SP140: variants seen among roughly 807,000 people sequenced by gnomAD.
SP140 encodes the protein SP140 nuclear body protein.
A neutral mutation model predicts 125.0 loss-of-function variants in SP140; 81 were observed. The observed-to-expected ratio is 0.65, with a 90% confidence interval of 0.54 to 0.78. SP140 has a LOEUF of 0.78. SP140 is among the 30% of genes least tolerant of loss of function. The pLI is 0.00. For missense variants in SP140, 858 were observed against 1,037.0 expected, an observed-to-expected ratio of 0.83 and a Z score of 2.37; for synonymous variants, 312 against 354.0, an observed-to-expected ratio of 0.88 and a Z score of 1.33.
At chr2:230,195,079 A>G in the SP140 span, among the ~76,000 whole-genome samples, 3 of 151,610 alleles carry the variant, frequency 2.0e-5, no homozygotes, top group Non-Finnish European at 4.4e-5. Flanking sequence ...TTCTTTTTGA[A>G]CTTGGCCATA....
intron 3 of SP140, among the ~76,000 whole-genome samples, chr2:230,215,409 GA>G (rs2045018016): frequency 6.6e-6 from 1 of 152,204 alleles, no homozygotes; most frequent in African/African-American, 2.4e-5. Flanking sequence ...AGAGAAATTT[GA>G]AGGAAGGAAA....
At chr2:230,220,087 C>G in intron 3 of SP140, 7 of 985,506 alleles carry the variant, frequency 7.1e-6, no homozygotes, top group Non-Finnish European at 7.2e-6. Context: ...TGCCTGCAGC[C>G]TCTCTCCACC....
At chr2:230,295,842 C>A (rs2057657149) in intron 21 of SP140, among the ~76,000 whole-genome samples, 1 of 152,184 alleles carries the variant, frequency 6.6e-6, no homozygotes, top group Non-Finnish European at 1.5e-5. Flanking sequence ...TTAAGAGCCT[C>A]CAGTGATTTC....
chr2:230,247,143 T>C (rs943585461), intron 7 of SP140, among the ~76,000 whole-genome samples: 4 of 152,202 alleles, frequency 2.6e-5, no homozygotes, highest in Admixed American at 2.0e-4. Flanking sequence ...AACTTAATGA[T>C]TTCAAAACAC....
At chr2:230,196,649 G>C in the SP140 span, among the ~76,000 whole-genome samples, 1 of 151,452 alleles carries the variant, frequency 6.6e-6, no homozygotes, top group African/African-American at 2.4e-5. Context: ...CCATTAACTC[G>C]TCATTTAGCA....
At chr2:230,225,696 T>C (rs940476238), upstream of SP140, 3 of 711,186 alleles carry the variant, frequency 4.2e-6, no homozygotes, top group East Asian at 2.7e-5. Flanking sequence ...GACTGTAGAG[T>C]TGGTGCACCC....
At chr2:230,186,386 T>G in the SP140 span, among the ~76,000 whole-genome samples, 8 of 152,208 alleles carry the variant, frequency 5.3e-5, no homozygotes, top group Non-Finnish European at 1.2e-4. Flanking sequence ...GTGTCTGTCT[T>G]GCTCACTGCT....
intron 10 of SP140, among the ~76,000 whole-genome samples, chr2:230,251,901 G>A (rs1456191920): frequency 6.6e-6 from 1 of 152,052 alleles, no homozygotes; most frequent in Non-Finnish European, 1.5e-5. Flanking sequence ...TGTTTGTTAA[G>A]ACCCAAGAAG....
chr2:230,251,096 A>C (rs751469982), intron 10 of SP140, 35 bp downstream of exon 10: 1 of 1,570,946 alleles, frequency 6.4e-7, no homozygotes, highest in Non-Finnish European at 8.8e-7. Context: ...CCTGGGCTGC[A>C]GAGTGTCAGG....
intron 15 of SP140, among the ~76,000 whole-genome samples, chr2:230,280,344 T>A (rs570737332): frequency 9.2e-5 from 14 of 152,322 alleles, no homozygotes; most frequent in East Asian, 1.9e-4. Flanking sequence ...TATGATTTTT[T>A]AAAAATATTT....
Position 230,299,037 on chromosome 2 carries a change from T to C in SP140, c.2058+1575T>C, listed in dbSNP as rs1270931010. 1.3e-5 allele frequency among the ~76,000 whole-genome samples: 2 copies of C among 152,156 alleles called. 1 individual carries two copies. The highest frequency in any genetic ancestry group is 6.3e-3 in the Middle Eastern group (2 of 316). On this transcript the variant is annotated intron_variant, in intron 22 of 26. Transcript: ENST00000392045. ...ACCAAAGAACCAGAGAAATCAAATC[T>C]CTTCTTGAAAAGATGGGTTTGGAGA... is the stretch of plus-strand genomic sequence containing the variant.
chr2:230,290,604 G>A, intron 19 of SP140, 40 bp downstream of exon 19: 2 of 1,477,354 alleles, frequency 1.4e-6, no homozygotes, highest in Non-Finnish European at 9.4e-7. Flanking sequence ...GCTCCTATCT[G>A]AAGGCATCAC....
chr2:230,281,809 G>A (rs1287633560), intron 15 of SP140, among the ~76,000 whole-genome samples: 2 of 152,034 alleles, frequency 1.3e-5, no homozygotes, highest in Non-Finnish European at 2.9e-5. Flanking sequence ...TTCTCCTATT[G>A]ATGGACACCT....
chr2:230,245,014 T>G lies in SP140; in HGVS notation c.598T>G (p.Leu200Val). Residue 200 changes from leucine to valine, a missense_variant, in exon 6 of 27, where the codon TTA (leucine) becomes GTA (valine). Physicochemically the swap from Leu to Val is conservative, Grantham distance 32. Coordinates refer to ENST00000392045, the MANE Select transcript of SP140 (RefSeq NM_007237.5). Reference protein sequence around the residue: ...PGFSSESCEQLALPKAGGGDA... With the variant: ...PGFSSESCEQVALPKAGGGDA... ...TTTCTCTTCAGAGTCTTGTGAGCAG[T>G]TAGCTCTCCCAAAGGCTGGTGGAGG... The G allele has an allele frequency of 6.2e-7, 1 of 1,613,162 alleles. No homozygotes were observed. The highest frequency in any genetic ancestry group is 8.5e-7 in the Non-Finnish European group (1 of 1,179,388).
chr2:230,304,294 G>A (rs1254446195), intron 22 of SP140, among the ~76,000 whole-genome samples: 1 of 152,102 alleles, frequency 6.6e-6, no homozygotes, highest in East Asian at 1.9e-4. Flanking sequence ...CTCGTGGATG[G>A]GTAGAATCAA....
At chr2:230,289,603 T>A (rs1027128149) in intron 18 of SP140, among the ~76,000 whole-genome samples, 10 of 152,170 alleles carry the variant, frequency 6.6e-5, no homozygotes, top group Admixed American at 2.0e-4. Context: ...GCCTCCCAAG[T>A]AGCTGGGATT....
Position 230,269,620 on chromosome 2 carries a change from T to C in SP140, c.1327+2T>C. 1.3e-6 allele frequency: 2 copies of C among 1,489,278 alleles called. No individual in the cohort carries two copies. Among genetic ancestry groups the C allele is most frequent in the Non-Finnish European group, 1.8e-6 (2 of 1,093,420 alleles). The allele number at this position is 1,489,278 out of a possible 1,614,324, so 92.3% of individuals were successfully genotyped here. On this transcript the variant is annotated splice_donor_variant, in intron 13 of 26. Transcript: ENST00000392045. LOFTEE classifies it high-confidence loss of function. The stretch of plus-strand genomic sequence containing the variant: ...GCCTGCTATATGATAATGTACCAGG[T>C]AATTATGACTTAAAAATAGTGAAAA...
intron 3 of SP140, among the ~76,000 whole-genome samples, chr2:230,215,578 G>A (rs2045057063): frequency 6.6e-6 from 1 of 152,230 alleles, no homozygotes; most frequent in South Asian, 2.1e-4. Flanking sequence ...AGATAAGCCT[G>A]AATGGATTCC....
At chr2:230,196,261 A>G in the SP140 span, among the ~76,000 whole-genome samples, 274 of 152,324 alleles carry the variant, frequency 1.8e-3, 1 homozygote, top group Non-Finnish European at 3.2e-3. Flanking sequence ...ATACACACAA[A>G]CCTGATTTCT....
Sources: allele counts gnomAD v4.1 joint callset (sites outside exome capture counted in the v4.1 genomes callset), GRCh38; gene constraint gnomAD v4.1.1; transcripts MANE v1.5; gene names NCBI Gene and HGNC (gene_info 2026-07-23, HGNC 2026-07-21).